Variants in DOCK3 observed in about 807,000 individuals in gnomAD.
The protein encoded by DOCK3 is dedicator of cytokinesis protein 3.
DOCK3 carries 60 observed loss-of-function variants against 265.6 expected under a neutral mutation model. The ratio of observed to expected loss-of-function variants is 0.23; its 90% CI spans 0.18 to 0.28. The LOEUF is 0.28. Among genes scored for constraint, DOCK3 ranks in the 10% least tolerant of loss-of-function variants. The probability of loss-of-function intolerance (pLI) is 1.00; values close to 1 mark genes in which losing one functional copy is unlikely to be tolerated. For missense variants in DOCK3, 1,981 were observed against 2,594.3 expected (o/e 0.76, Z 5.14); for synonymous variants, 881 against 938.0 (o/e 0.94, Z 1.11).
At chr3:51,152,758 G>A (rs1472664294) in intron 10 of DOCK3, among the ~76,000 whole-genome samples, 2 of 152,200 alleles carry the variant, frequency 1.3e-5, no homozygotes. Context: ...AAGTCCCTCT[G>A]CTGCAGGTCT....
At chr3:51,246,344 T>C (rs565268253) in intron 21 of DOCK3, among the ~76,000 whole-genome samples, 1 of 151,040 alleles carries the variant, frequency 6.6e-6, no homozygotes, top group Non-Finnish European at 1.5e-5. Context: ...TTGATCCACC[T>C]GATTCAGCCT....
intron 1 of DOCK3, among the ~76,000 whole-genome samples, chr3:50,747,237 G>A (rs1198115644): frequency 6.6e-6 from 1 of 152,170 alleles, no homozygotes; most frequent in African/African-American, 2.4e-5. Flanking sequence ...TAATTCTTGA[G>A]ATCAGGTAGT....
At position 51,250,505 on chromosome 3, in the gene DOCK3, A is replaced by C. The variant is rs533067676; in HGVS notation, c.2184+3698A>C. ...ATGGTGGCATGCACCTGTAATCCCA[A>C]CTACTCACGAGGCTGTGGCTCAAGA... On this transcript the variant is annotated intron_variant, in intron 22 of 52. Coordinates refer to ENST00000266037, the MANE Select transcript of DOCK3 (RefSeq NM_004947.5). 5.3e-5 allele frequency among the ~76,000 whole-genome samples: 8 copies of C among 152,128 alleles called. No homozygotes were observed. The South Asian group carries it at 1.2e-3, about 24-fold the overall frequency.
intron 3 of DOCK3, among the ~76,000 whole-genome samples, chr3:50,868,573 C>T (rs1421217501): frequency 6.6e-6 from 1 of 152,084 alleles, no homozygotes; most frequent in Non-Finnish European, 1.5e-5. Context: ...AGAGTTTCAC[C>T]ATTTTCCCCA....
At chr3:50,822,671 A>ATT (rs34830332) in intron 2 of DOCK3, among the ~76,000 whole-genome samples, 2 of 151,746 alleles carry the variant, frequency 1.3e-5, no homozygotes, top group Non-Finnish European at 2.9e-5. Flanking sequence ...TAATTTTTAA[A>ATT]TTTTTTTCAT....
rs532432885 is a variant in DOCK3 at position 50,949,945 on chromosome 3, T to C, written c.315+15868T>C. ...CTGTTCTTTATCTCTTTCTACACTT[T>C]TGTGGGTTTATCCAATTTTTTTCCA... On this transcript the variant is annotated intron_variant, in intron 5 of 52. Coordinates refer to ENST00000266037, the MANE Select transcript of DOCK3 (RefSeq NM_004947.5). Among the ~76,000 whole-genome samples the C allele has an allele frequency of 3.7e-4, 57 of 152,206 alleles. 1 individual carries two copies. In the Middle Eastern group the frequency reaches 0.017, roughly 45 times the overall value.
rs1257973162 is a variant in DOCK3, at chr3:51,382,949, A to T, written c.*1390A>T. The T allele has an allele frequency of 3.9e-5, 6 of 152,246 alleles. No homozygotes were observed. The highest frequency in any genetic ancestry group is 1.2e-4 in the African/African-American group (5 of 41,424). The allele number at this position is 152,246 out of a possible 1,614,324, so 9.4% of individuals were successfully genotyped here. On this transcript the variant is annotated 3_prime_UTR_variant, in exon 53 of 53. Coordinates refer to ENST00000266037, the MANE Select transcript of DOCK3 (RefSeq NM_004947.5). ...TACCAGGGTGCTTTTAAGTTACTTTAAAAAAAGCCTACAAAATATTTTTTT... is the reference window on the plus strand; with the variant it reads ...TACCAGGGTGCTTTTAAGTTACTTTTAAAAAAGCCTACAAAATATTTTTTT...
chr3:50,768,631 C>G (rs2041065862), intron 1 of DOCK3, among the ~76,000 whole-genome samples: 1 of 152,150 alleles, frequency 6.6e-6, no homozygotes. Flanking sequence ...TGTATATATA[C>G]CACATTAAAA....
rs28396534 is a variant in DOCK3 at position 50,789,204 on chromosome 3, A to G, written c.121+10446A>G. Among the ~76,000 whole-genome samples, 424 of 152,312 alleles carry G rather than the reference A, an allele frequency of 2.8e-3. 3 individuals are homozygous for G. Among genetic ancestry groups the G allele is most frequent in the African/African-American group, 9.8e-3 (406 of 41,572 alleles). On this transcript the variant is annotated intron_variant, in intron 2 of 52. Coordinates refer to ENST00000266037, the MANE Select transcript of DOCK3 (RefSeq NM_004947.5). Reference sequence around the variant, plus strand: ...GTGTCACTATTATGCAGTTCAAATAACTTTTAATTTCCATCTTGATTTCAT... The same window carrying G: ...GTGTCACTATTATGCAGTTCAAATAGCTTTTAATTTCCATCTTGATTTCAT...
In DOCK3 at chr3:51,379,020, C is replaced by G. The variant is rs183561528; in HGVS notation, c.5501-1105C>G. ...AACAGGTACCTGTCCTTGCTCCCTG[C>G]TTTTCCCACTGAGCCTGGGCAGTAG... On this transcript the variant is annotated intron_variant, in intron 51 of 52. Transcript: ENST00000266037. Among the ~76,000 whole-genome samples, 1,109 of 152,318 alleles carry G rather than the reference C, an allele frequency of 7.3e-3. 16 individuals are homozygous for G. Among genetic ancestry groups the G allele is most frequent in the African/African-American group, 0.025 (1,044 of 41,560 alleles).
At chr3:50,723,442 G>C (rs546518879) in intron 1 of DOCK3, among the ~76,000 whole-genome samples, 7 of 152,032 alleles carry the variant, frequency 4.6e-5, no homozygotes, top group African/African-American at 7.2e-5. Flanking sequence ...AGGCTGAGGC[G>C]GGGGGATCAC....
In DOCK3 at chr3:51,094,628, GA is replaced by G. The variant is rs2082760952; in HGVS notation, c.746+4245del. Among the ~76,000 whole-genome samples, 4 of 151,580 alleles carry G rather than the reference GA, an allele frequency of 2.6e-5. No homozygotes were observed. In the South Asian group the frequency reaches 8.3e-4, roughly 32 times the overall value. ...AAAAAAATGAACTCCTGGATTCATT[GA>G]TTTTTTTGAAGAGTTTTTTGTGTCT... On this transcript the variant is annotated intron_variant, in intron 9 of 52. Coordinates refer to ENST00000266037, the MANE Select transcript of DOCK3 (RefSeq NM_004947.5).
chr3:51,251,557 G>A (rs981530665), intron 22 of DOCK3, among the ~76,000 whole-genome samples: 12 of 152,198 alleles, frequency 7.9e-5, no homozygotes, highest in African/African-American at 2.6e-4. Flanking sequence ...TTTAATGATC[G>A]CCATTCCAAC....
At chr3:51,255,574 TC>T (rs1380211597) in intron 22 of DOCK3, among the ~76,000 whole-genome samples, 2 of 152,266 alleles carry the variant, frequency 1.3e-5, no homozygotes, top group Non-Finnish European at 2.9e-5. Context: ...TTCTTTTTAC[TC>T]TTTTTTCTCT....
At chr3:51,239,659 C>T (rs150251778) in intron 21 of DOCK3, among the ~76,000 whole-genome samples, 1 of 151,078 alleles carries the variant, frequency 6.6e-6, no homozygotes, top group Non-Finnish European at 1.5e-5. Flanking sequence ...TTGGGGATTC[C>T]ATTTCTTCTT....
chr3:50,723,137 A>G (rs138976166), intron 1 of DOCK3, among the ~76,000 whole-genome samples: 150 of 152,296 alleles, frequency 9.8e-4, no homozygotes, highest in Non-Finnish European at 1.8e-3. Context: ...TTTTAGAACC[A>G]GAAAGTAGAG....
intron 12 of DOCK3, among the ~76,000 whole-genome samples, chr3:51,192,273 A>G (rs1367594654): frequency 6.6e-6 from 1 of 151,454 alleles, no homozygotes; most frequent in Non-Finnish European, 1.5e-5. Context: ...ATGGTGAGAA[A>G]TAGGTGTCCT....
At chr3:50,799,614 C>A (rs1028660514) in intron 2 of DOCK3, among the ~76,000 whole-genome samples, 4 of 152,088 alleles carry the variant, frequency 2.6e-5, no homozygotes, top group African/African-American at 9.7e-5. Context: ...TTGGTAGAGT[C>A]TTTAGGTTTT....
intron 32 of DOCK3, among the ~76,000 whole-genome samples, chr3:51,326,583 T>TTTGTTGTTG (rs148344271): frequency 6.4e-5 from 9 of 140,116 alleles, no homozygotes; most frequent in South Asian, 4.9e-4. Context: ...CCTGGCATGT[T>TTTGTTGTTG]TTGTTGTTGT....
Sources: allele counts gnomAD v4.1 joint callset (sites outside exome capture counted in the v4.1 genomes callset), GRCh38; gene constraint gnomAD v4.1.1; transcripts MANE v1.5; gene names NCBI Gene and HGNC (gene_info 2026-07-23, HGNC 2026-07-21).